The following AFF2 variants were observed in gnomAD, a reference collection of about 807,000 sequenced individuals.
The protein encoded by AFF2 is ALF transcription elongation factor 2.
A neutral mutation model predicts 76.9 loss-of-function variants in AFF2; 14 were observed. That is an observed-to-expected ratio of 0.18 (90% confidence interval 0.12 to 0.28). The LOEUF (loss-of-function observed/expected upper bound fraction) is 0.28, where lower values mean the gene tolerates loss of function less well. AFF2 is among the 10% of genes least tolerant of loss of function. The pLI, the probability that AFF2 is intolerant of heterozygous loss-of-function variation, is 1.00. For missense variants in AFF2, 868 were observed against 1,001.1 expected (o/e 0.87, Z 1.79); for synonymous variants, 398 against 366.7 (o/e 1.09, Z -0.98).
intron 1 of AFF2, among the ~76,000 whole-genome samples, chrX:148,564,171 C>T (rs188654900): frequency 8.9e-6 from 1 of 111,836 alleles, no homozygotes; most frequent in African/African-American, 3.2e-5. Flanking sequence ...ACTTACCTAA[C>T]TGTCTGGTAG....
At position 148,985,394 on chromosome X, in the gene AFF2, T is replaced by C. The variant is rs2072459121; in HGVS notation, c.3624-1973T>C. Among the ~76,000 whole-genome samples the C allele has an allele frequency of 4.1e-5, 4 of 98,685 alleles. No individual in the cohort carries two copies. The South Asian group carries it at 2.2e-3, about 54-fold the overall frequency. The allele number at this position is 98,685 out of a possible 115,157, so 85.7% of individuals were successfully genotyped here. A position where few individuals can be genotyped will look rare whatever the true frequency, so the allele number is the denominator to read the frequency against. ...ATGGCTCACTGCAGCCTCAGTCTCC[T>C]GGGCTCAAGCAATCCTCTCGCTTCA... On this transcript the variant is annotated intron_variant, in intron 19 of 20. Transcript: ENST00000370460.
chrX:148,696,723 A>G (rs1338425995), intron 3 of AFF2, among the ~76,000 whole-genome samples: 4 of 112,299 alleles, frequency 3.6e-5, no homozygotes, highest in African/African-American at 1.3e-4. Flanking sequence ...GAACAAGACA[A>G]GGTATGGAGA....
At chrX:148,896,973 C>A (rs1429323853) in intron 8 of AFF2, among the ~76,000 whole-genome samples, 1 of 106,695 alleles carries the variant, frequency 9.4e-6, no homozygotes, top group African/African-American at 3.4e-5. Flanking sequence ...CCCTAGCTTC[C>A]TGTTTCTCCC....
At chrX:148,874,412 T>C (rs112819772) in intron 7 of AFF2, among the ~76,000 whole-genome samples, 1,225 of 77,360 alleles carry the variant, frequency 0.016, 21 homozygotes, top group African/African-American at 0.056. Context: ...AAAGTTGTTA[T>C]AACTAGCCTT....
chrX:148,530,796 T>G (rs1557235779), intron 1 of AFF2, among the ~76,000 whole-genome samples: 1 of 111,849 alleles, frequency 8.9e-6, no homozygotes, highest in Non-Finnish European at 1.9e-5. Context: ...CTACAACAAG[T>G]ATATCCTATA....
rs781960775 is a variant in AFF2 at position 148,981,559 on chromosome X, G to A, written c.3623+769G>A. Among the ~76,000 whole-genome samples the A allele has an allele frequency of 1.9e-4, 21 of 111,367 alleles. No homozygotes were observed. The South Asian group carries it at 8.1e-3, about 43-fold the overall frequency. On this transcript the variant is annotated intron_variant, in intron 19 of 20. Transcript: ENST00000370460. Reference sequence around the variant, plus strand: ...TTATAGAGAGTGAGTTCGAATCCCAGTTCTGTGTCAGCTGTGAAGTTAGCT... The same window carrying A: ...TTATAGAGAGTGAGTTCGAATCCCAATTCTGTGTCAGCTGTGAAGTTAGCT...
intron 1 of AFF2, among the ~76,000 whole-genome samples, chrX:148,639,546 G>C (rs1557254359): frequency 1.8e-5 from 2 of 111,782 alleles, no homozygotes; most frequent in African/African-American, 6.5e-5. Flanking sequence ...GGTGACCCCA[G>C]GTAAGCAGAG....
intron 9 of AFF2, among the ~76,000 whole-genome samples, chrX:148,907,222 G>T (rs1396091838): frequency 8.9e-6 from 1 of 112,268 alleles, no homozygotes; most frequent in Non-Finnish European, 1.9e-5. Context: ...ACAAGTTTAC[G>T]GAATGAATAA....
At chrX:148,686,011 T>C (rs2124495751) in intron 3 of AFF2, among the ~76,000 whole-genome samples, 1 of 110,800 alleles carries the variant, frequency 9.0e-6, no homozygotes, top group African/African-American at 3.3e-5. Context: ...TTTTCTTCTT[T>C]CTTTTCTTCT....
intron 13 of AFF2, among the ~76,000 whole-genome samples, chrX:148,965,829 G>C (rs899060007): frequency 4.5e-5 from 5 of 111,382 alleles, no homozygotes; most frequent in Non-Finnish European, 7.5e-5. Flanking sequence ...AGAGAACTGC[G>C]GAGTGAACTT....
chrX:148,671,300 G>A (rs782551197), intron 3 of AFF2, among the ~76,000 whole-genome samples: 2 of 112,107 alleles, frequency 1.8e-5, no homozygotes, highest in African/African-American at 6.5e-5. Context: ...ATTTAAAACA[G>A]CACTATTTGA....
intron 1 of AFF2, among the ~76,000 whole-genome samples, chrX:148,631,271 G>A (rs187748564): frequency 1.8e-4 from 20 of 111,746 alleles, no homozygotes; most frequent in South Asian, 1.1e-3. Flanking sequence ...ATTGATAAAC[G>A]ATTTACAATT....
In AFF2 at chrX:148,621,036, A is replaced by G. The variant is rs1364910754; in HGVS notation, c.48-30963A>G. Among the ~76,000 whole-genome samples the G allele has an allele frequency of 3.6e-5, 4 of 111,624 alleles. No individual in the cohort carries two copies. In the Admixed American group the frequency reaches 3.8e-4, roughly 11 times the overall value. On this transcript the variant is annotated intron_variant, in intron 1 of 20. Transcript: ENST00000370460. The stretch of plus-strand genomic sequence containing the variant: ...AAGGCAGTGAATGCTTTATGAGCCA[A>G]ACAAGCACCTGAGTTTGGAAGAGAC...
chrX:148,758,162 G>T (rs889587448), intron 3 of AFF2, among the ~76,000 whole-genome samples: 3 of 112,434 alleles, frequency 2.7e-5, no homozygotes, highest in African/African-American at 9.7e-5. Flanking sequence ...TGTAAGTAGG[G>T]GCAGAATGCA....
intron 9 of AFF2, among the ~76,000 whole-genome samples, chrX:148,949,343 C>G (rs1454461757): frequency 9.0e-6 from 1 of 111,116 alleles, no homozygotes; most frequent in African/African-American, 3.3e-5. Flanking sequence ...CACTCTCAAG[C>G]TTTCCACCAG....
In AFF2 at chrX:148,940,670, T is replaced by C. The variant is rs187220194; in HGVS notation, c.1398-12910T>C. Among the ~76,000 whole-genome samples the C allele has an allele frequency of 1.5e-3, 165 of 111,548 alleles. 1 individual carries two copies. The highest frequency in any genetic ancestry group is 5.3e-3 in the African/African-American group (162 of 30,681). ...CTCTGTGTTCATTTGTAACTCAGGA[T>C]TGTCATTCCTCTTGCTATTGATCTA... On this transcript the variant is annotated intron_variant, in intron 9 of 20. Coordinates refer to ENST00000370460, the MANE Select transcript of AFF2 (RefSeq NM_002025.4).
At chrX:148,984,652 GC>G (rs2072441547) in intron 19 of AFF2, among the ~76,000 whole-genome samples, 1 of 112,090 alleles carries the variant, frequency 8.9e-6, no homozygotes, top group African/African-American at 3.2e-5. Context: ...AGCTGTTCTT[GC>G]CTCCACCACT....
At chrX:148,909,344 TA>T (rs1366233341) in intron 9 of AFF2, among the ~76,000 whole-genome samples, 1 of 112,257 alleles carries the variant, frequency 8.9e-6, no homozygotes, top group East Asian at 2.8e-4. Context: ...ATTAATTTTC[TA>T]AAATTCTGTC....
At chrX:148,511,541 C>T (rs2052482094) in intron 1 of AFF2, among the ~76,000 whole-genome samples, 1 of 112,468 alleles carries the variant, frequency 8.9e-6, no homozygotes, top group African/African-American at 3.2e-5. Context: ...AGTTTCCACA[C>T]GTGCTGATTT....
Sources: gnomAD v4.1 joint callset for allele counts (sites outside exome capture counted in the v4.1 genomes callset) on GRCh38, gnomAD v4.1.1 for gene constraint, MANE v1.5 for transcripts, NCBI Gene and HGNC (gene_info 2026-07-23, HGNC 2026-07-21) for gene names.